FAM185A: variants seen among roughly 807,000 people sequenced by gnomAD.
FAM185A encodes the protein family with sequence similarity 185 member A.
FAM185A carries 21 observed loss-of-function variants against 45.7 expected under a neutral mutation model. That is an observed-to-expected ratio of 0.46 (90% CI 0.33 to 0.66). The LOEUF is 0.66. FAM185A is among the 30% of genes least tolerant of loss of function. The pLI is 0.03. For synonymous variants in FAM185A, 117 were observed against 194.0 expected, an observed-to-expected ratio of 0.60 and a Z score of 3.30; for missense variants, 305 against 485.4, an observed-to-expected ratio of 0.63 and a Z score of 3.49.
At chr7:102,801,431 A>G (rs922422584) in intron 7 of FAM185A, among the ~76,000 whole-genome samples, 4 of 152,268 alleles carry the variant, frequency 2.6e-5, no homozygotes, top group African/African-American at 9.6e-5. Context: ...TGCTCCACTT[A>G]AAAGATAAGA....
At chr7:102,848,188 A>G in the FAM185A span, among the ~76,000 whole-genome samples, 1 of 152,012 alleles carries the variant, frequency 6.6e-6, no homozygotes, top group Non-Finnish European at 1.5e-5. Context: ...AACTACCTCA[A>G]CCTGCTAACA....
chr7:102,751,658 G>A (rs1210218051), intron 1 of FAM185A, 34 bp from the exon 2 acceptor site: 27 of 1,530,280 alleles, frequency 1.8e-5, no homozygotes, highest in Non-Finnish European at 2.4e-5. Flanking sequence ...ATAAACTGCA[G>A]TACTAACTTG....
chr7:102,753,041 A>T (rs1429089710), intron 2 of FAM185A, among the ~76,000 whole-genome samples: 1 of 152,262 alleles, frequency 6.6e-6, no homozygotes, highest in South Asian at 2.1e-4. Context: ...CATATGAATC[A>T]GTTCAAATAA....
At chr7:102,807,558 T>A (rs77319424) in intron 7 of FAM185A, among the ~76,000 whole-genome samples, 1 of 151,360 alleles carries the variant, frequency 6.6e-6, no homozygotes, top group African/African-American at 2.4e-5. Context: ...AAAAAAAAAA[T>A]CTGAAATTTG....
At chr7:102,805,518 T>TG (rs1282508243) in intron 7 of FAM185A, among the ~76,000 whole-genome samples, 1 of 148,292 alleles carries the variant, frequency 6.7e-6, no homozygotes, top group African/African-American at 2.5e-5. Flanking sequence ...CAATGGACTT[T>TG]GGGGACGTGG....
chr7:102,820,201 A>T, the FAM185A span, among the ~76,000 whole-genome samples: 2 of 152,186 alleles, frequency 1.3e-5, no homozygotes, highest in Non-Finnish European at 2.9e-5. Flanking sequence ...TTTCAGGGAG[A>T]CTAAAAGGTA....
At chr7:102,803,435 T>C (rs1314454666) in intron 7 of FAM185A, among the ~76,000 whole-genome samples, 1 of 152,152 alleles carries the variant, frequency 6.6e-6, no homozygotes, top group East Asian at 1.9e-4. Context: ...AAAAATCACA[T>C]GATCATCTCA....
At chr7:102,828,287 G>C in the FAM185A span, among the ~76,000 whole-genome samples, 11 of 151,840 alleles carry the variant, frequency 7.2e-5, no homozygotes, top group African/African-American at 2.4e-4. Context: ...TCTCCTTGAA[G>C]AGGTCCTTCA....
intron 6 of FAM185A, among the ~76,000 whole-genome samples, chr7:102,786,563 C>T (rs932414124): frequency 6.6e-6 from 1 of 152,150 alleles, no homozygotes; most frequent in Non-Finnish European, 1.5e-5. Flanking sequence ...TCATTCTCAG[C>T]AAACTATCGC....
chr7:102,846,466 A>G, the FAM185A span, among the ~76,000 whole-genome samples: 33 of 152,098 alleles, frequency 2.2e-4, no homozygotes, highest in African/African-American at 7.2e-4. Flanking sequence ...TAAAAATACA[A>G]AAATGAGCTG....
chr7:102,809,927 G>A (rs1797335810), downstream of FAM185A, among the ~76,000 whole-genome samples: 1 of 151,966 alleles, frequency 6.6e-6, no homozygotes. Context: ...GTGAGTTCTT[G>A]CAAGATCTGA....
the FAM185A span, chr7:102,833,072 A>G: frequency 3.8e-6 from 5 of 1,310,726 alleles, no homozygotes; most frequent in Non-Finnish European, 5.2e-6. Context: ...AGTCCCTGAA[A>G]TACAGATGTT....
the FAM185A span, among the ~76,000 whole-genome samples, chr7:102,826,019 A>G: frequency 6.6e-6 from 1 of 152,206 alleles, no homozygotes; most frequent in South Asian, 2.1e-4. Flanking sequence ...AATTATGATT[A>G]TTCATCTCCT....
At chr7:102,823,744 T>A in the FAM185A span, among the ~76,000 whole-genome samples, 3 of 152,244 alleles carry the variant, frequency 2.0e-5, no homozygotes, top group African/African-American at 7.2e-5. Context: ...TTGGCTCTTG[T>A]TTTAACATAA....
Position 102,749,018 on chromosome 7 carries a change from T to C in FAM185A, c.-190T>C. On this transcript the variant is annotated 5_prime_UTR_variant, in exon 1 of 8. Transcript: ENST00000413034. Reference sequence around the variant, plus strand: ...GAGTTTAGAGCTTTCAAATCCCAACTTGCCCCTGGGGATTGCGCGGCTGAT... The same window carrying C: ...GAGTTTAGAGCTTTCAAATCCCAACCTGCCCCTGGGGATTGCGCGGCTGAT... 1.1e-6 allele frequency: 1 copy of C among 901,668 alleles called. No individual in the cohort carries two copies. The highest frequency in any genetic ancestry group is 1.6e-5 in the African/African-American group (1 of 61,140). The allele number at this position is 901,668 out of a possible 1,614,324, so 55.9% of individuals were successfully genotyped here.
At chr7:102,800,503 A>G (rs1272277414) in intron 7 of FAM185A, among the ~76,000 whole-genome samples, 4 of 152,220 alleles carry the variant, frequency 2.6e-5, no homozygotes, top group Admixed American at 2.6e-4. Flanking sequence ...AAATGGTACA[A>G]TAAGTGAAGG....
chr7:102,752,247 A>G (rs1369043457), intron 2 of FAM185A, among the ~76,000 whole-genome samples: 1 of 151,608 alleles, frequency 6.6e-6, no homozygotes, highest in East Asian at 1.9e-4. Flanking sequence ...AAAGTAACAT[A>G]TGATTCATCT....
At chr7:102,780,465 T>G (rs902792589) in intron 6 of FAM185A, among the ~76,000 whole-genome samples, 3 of 152,212 alleles carry the variant, frequency 2.0e-5, no homozygotes. Context: ...TTACCTTAGG[T>G]ATCCAAAAGC....
intron 4 of FAM185A, among the ~76,000 whole-genome samples, chr7:102,762,564 A>G (rs971579664): frequency 5.3e-5 from 8 of 152,178 alleles, no homozygotes; most frequent in Admixed American, 4.6e-4. Flanking sequence ...GTATCTGTAC[A>G]CTCTGGCAAA....
Sources: gnomAD v4.1 joint callset for allele counts (sites outside exome capture counted in the v4.1 genomes callset) on GRCh38, gnomAD v4.1.1 for gene constraint, MANE v1.5 for transcripts, NCBI Gene and HGNC (gene_info 2026-07-23, HGNC 2026-07-21) for gene names.